Variants in GSE1 observed in about 807,000 individuals in gnomAD.
GSE1 encodes the protein Gse1 coiled-coil protein, also known as genetic suppressor element 1.
In GSE1, 32 loss-of-function variants were observed where a neutral mutation model predicts 112.6. The observed-to-expected ratio is 0.28, with a 90% CI of 0.21 to 0.38. GSE1 has a LOEUF of 0.38. Among genes scored for constraint, GSE1 ranks in the 10% least tolerant of loss-of-function variants. The probability of loss-of-function intolerance (pLI) is 1.00; values close to 1 mark genes in which losing one functional copy is unlikely to be tolerated. For synonymous variants in GSE1, 1,115 were observed against 735.6 expected (o/e 1.52, Z -8.35); for missense variants, 2,348 against 1,699.2 (o/e 1.38, Z -6.71).
intron 2 of GSE1, among the ~76,000 whole-genome samples, chr16:85,549,859 T>G (rs1318968712): frequency 6.6e-6 from 1 of 152,098 alleles, no homozygotes; most frequent in African/African-American, 2.4e-5. Context: ...TGCACAAAAG[T>G]GGGTGATGGT....
intron 2 of GSE1, among the ~76,000 whole-genome samples, chr16:85,497,006 C>A (rs1008288580): frequency 5.3e-5 from 8 of 152,012 alleles, no homozygotes; most frequent in Non-Finnish European, 1.0e-4. Context: ...TCAAGCGATT[C>A]TCCTGCCTCA....
At chr16:85,578,795 C>G (rs1018539276) in intron 1 of GSE1, among the ~76,000 whole-genome samples, 2 of 152,328 alleles carry the variant, frequency 1.3e-5, no homozygotes, top group Admixed American at 1.3e-4. Context: ...ATTCAGGCCT[C>G]TGCTCAGATG....
intron 1 of GSE1, among the ~76,000 whole-genome samples, chr16:85,571,582 G>A (rs1048630936): frequency 1.3e-5 from 2 of 152,260 alleles, no homozygotes; most frequent in East Asian, 1.9e-4. Flanking sequence ...GGGTCTTCTC[G>A]GGGAGGCTCT....
intron 2 of GSE1, among the ~76,000 whole-genome samples, chr16:85,433,074 T>C (rs916682679): frequency 6.6e-6 from 1 of 151,756 alleles, no homozygotes; most frequent in African/African-American, 2.4e-5. Flanking sequence ...CTGGGGCAAC[T>C]TGGAATGGGG....
At chr16:85,321,253 A>G (rs899311963) in intron 1 of GSE1, among the ~76,000 whole-genome samples, 3 of 152,108 alleles carry the variant, frequency 2.0e-5, no homozygotes, top group Non-Finnish European at 2.9e-5. Context: ...AGGCTTGTGG[A>G]ATCCCAAGGG....
intron 2 of GSE1, among the ~76,000 whole-genome samples, chr16:85,366,974 G>A (rs1015286200): frequency 2.6e-5 from 4 of 152,202 alleles, no homozygotes; most frequent in African/African-American, 4.8e-5. Context: ...GGCAGGGCCA[G>A]GGACCCCAGG....
intron 8 of GSE1, among the ~76,000 whole-genome samples, chr16:85,660,125 G>GGA (rs2052310232): frequency 1.3e-5 from 2 of 152,252 alleles, no homozygotes; most frequent in African/African-American, 4.8e-5. Context: ...CACAGCAGGA[G>GGA]GAGAGGGTGC....
chr16:85,315,155 G>T (rs746089483), intron 1 of GSE1, among the ~76,000 whole-genome samples: 13 of 152,178 alleles, frequency 8.5e-5, no homozygotes, highest in Non-Finnish European at 1.6e-4. Context: ...AGTTCTGAGG[G>T]CACCACCGCA....
intron 1 of GSE1, among the ~76,000 whole-genome samples, chr16:85,197,282 G>A (rs997735253): frequency 5.3e-5 from 8 of 152,146 alleles, no homozygotes; most frequent in Non-Finnish European, 7.4e-5. Context: ...CTTGGAGAGG[G>A]GCGGGAAGGG....
chr16:85,574,796 C>G lies in GSE1; in HGVS notation c.37+18433C>G, dbSNP rs374963935. On this transcript the variant is annotated intron_variant, in intron 1 of 2. Coordinates refer to the GSE1 transcript ENST00000635906. ...AGGTCCCCTGGGTCTCCTCCTCACCCAGCTACAGCCAGGGTGGGAGGCAGC... is the reference window on the plus strand; with the variant it reads ...AGGTCCCCTGGGTCTCCTCCTCACCGAGCTACAGCCAGGGTGGGAGGCAGC... Among the ~76,000 whole-genome samples the G allele has an allele frequency of 1.7e-4, 26 of 152,362 alleles. 1 individual carries two copies. Among genetic ancestry groups the G allele is most frequent in the African/African-American group, 6.3e-4 (26 of 41,590 alleles).
intron 2 of GSE1, among the ~76,000 whole-genome samples, chr16:85,635,380 G>A (rs554592851): frequency 6.6e-6 from 1 of 152,334 alleles, no homozygotes; most frequent in South Asian, 2.1e-4. Flanking sequence ...CCCTTGGCAG[G>A]GGACTCCCTG....
intron 1 of GSE1, among the ~76,000 whole-genome samples, chr16:85,255,319 G>T (rs558779113): frequency 6.6e-6 from 1 of 152,094 alleles, no homozygotes. Flanking sequence ...AGCCTGACCC[G>T]CTGCCTTCTG....
chr16:85,653,541 G>A (rs550404738), intron 3 of GSE1, among the ~76,000 whole-genome samples: 5 of 151,336 alleles, frequency 3.3e-5, no homozygotes, highest in Non-Finnish European at 7.4e-5. Context: ...GAGTCCTCTG[G>A]ACCACCTTCC....
chr16:85,364,481 A>G (rs917765257), intron 2 of GSE1, among the ~76,000 whole-genome samples: 1 of 152,142 alleles, frequency 6.6e-6, no homozygotes, highest in Non-Finnish European at 1.5e-5. Flanking sequence ...CAGCCACAGT[A>G]TTTATAAAGT....
intron 1 of GSE1, among the ~76,000 whole-genome samples, chr16:85,265,620 G>A (rs1908156798): frequency 6.6e-6 from 1 of 152,156 alleles, no homozygotes; most frequent in Admixed American, 6.5e-5. Context: ...CAAATCAGCT[G>A]ACTCCAGAGG....
chr16:85,289,535 C>G (rs1340311608), intron 1 of GSE1, among the ~76,000 whole-genome samples: 2 of 152,186 alleles, frequency 1.3e-5, no homozygotes, highest in East Asian at 1.9e-4. Flanking sequence ...GGGATGAGGC[C>G]TAGGACTCTG....
chr16:85,576,467 A>C (rs1049492480), intron 1 of GSE1, among the ~76,000 whole-genome samples: 1 of 152,122 alleles, frequency 6.6e-6, no homozygotes, highest in East Asian at 1.9e-4. Flanking sequence ...AGACGTCCTT[A>C]TTGGTCTCTG....
intron 13 of GSE1, 83 bp downstream of exon 13, chr16:85,666,430 G>A (rs138686468): frequency 2.1e-3 from 2,916 of 1,359,896 alleles, no homozygotes; most frequent in Middle Eastern, 3.7e-3. Context: ...CTGCTCAGCC[G>A]TTCAGCCGTG....
intron 2 of GSE1, among the ~76,000 whole-genome samples, chr16:85,527,184 C>G (rs559317940): frequency 1.2e-3 from 182 of 152,342 alleles, no homozygotes; most frequent in South Asian, 8.1e-3. Context: ...ATGCTTCCCC[C>G]TCGTGAGGAA....
Sources: gnomAD v4.1 joint callset for allele counts (sites outside exome capture counted in the v4.1 genomes callset) on GRCh38, gnomAD v4.1.1 for gene constraint, MANE v1.5 for transcripts, NCBI Gene and HGNC (gene_info 2026-07-23, HGNC 2026-07-21) for gene names.